Variants in NIPBL observed in about 807,000 individuals in gnomAD.
NIPBL encodes the protein NIPBL cohesin loading factor, also known as nipped-B-like protein.
NIPBL carries 19 observed loss-of-function variants against 321.8 expected under a neutral mutation model. The observed-to-expected ratio is 0.06, with a 90% confidence interval of 0.04 to 0.09. The LOEUF is 0.09. Among genes scored for constraint, NIPBL ranks in the 10% least tolerant of loss-of-function variants. The pLI, the probability that NIPBL is intolerant of heterozygous loss-of-function variation, is 1.00. For missense variants in NIPBL, 2,210 were observed against 3,327.0 expected, an observed-to-expected ratio of 0.66 and a Z score of 8.26; for synonymous variants, 1,106 against 1,114.1, an observed-to-expected ratio of 0.99 and a Z score of 0.14.
At position 37,027,384 on chromosome 5, in the gene NIPBL, A is replaced by G. The variant is rs766136878; in HGVS notation, c.5834A>G (p.Tyr1945Cys). The G allele has an allele frequency of 2.5e-6, 4 of 1,613,174 alleles. No homozygotes were observed. Among genetic ancestry groups the G allele is most frequent in the Admixed American group, 1.7e-5 (1 of 60,002 alleles). ...GTTGCAGCATGCAGAGATACTGGAT[A>G]TGACTGGTTTGAGCAACTGCTTCAA... ...DVVAACRDTGYDWFEQLLQNL... is the reference protein window; with the variant it reads ...DVVAACRDTGCDWFEQLLQNL... The change falls in exon 32 of 47, where the codon TAT (tyrosine) becomes TGT (cysteine). Residue 1945 changes from tyrosine to cysteine, a missense_variant. Physicochemically the swap from Tyr to Cys is radical, Grantham distance 194. Coordinates refer to ENST00000282516, the MANE Select transcript of NIPBL (RefSeq NM_133433.4).
chr5:36,915,707 A>C (rs1433825999), intron 1 of NIPBL, among the ~76,000 whole-genome samples: 2 of 152,192 alleles, frequency 1.3e-5, no homozygotes, highest in Non-Finnish European at 2.9e-5. Flanking sequence ...TATAATCAAA[A>C]AATAGCTTTC....
intron 32 of NIPBL, among the ~76,000 whole-genome samples, chr5:37,033,736 T>A (rs1353803604): frequency 2.4e-3 from 299 of 123,592 alleles, no homozygotes; most frequent in African/African-American, 0.01. Context: ...ATATATTTTT[T>A]TTTTTTTTTT....
intron 1 of NIPBL, among the ~76,000 whole-genome samples, chr5:36,905,946 G>A (rs929608755): frequency 5.3e-5 from 8 of 152,024 alleles, no homozygotes; most frequent in South Asian, 4.2e-4. Flanking sequence ...GGGTTTCACC[G>A]TGTTAGCCAG....
chr5:36,883,056 C>A (rs1350140757), intron 1 of NIPBL, among the ~76,000 whole-genome samples: 1 of 151,738 alleles, frequency 6.6e-6, no homozygotes, highest in East Asian at 1.9e-4. Context: ...AAAAGCTATT[C>A]TCAGGCTATA....
At chr5:36,933,820 T>G (rs1166502130) in intron 1 of NIPBL, among the ~76,000 whole-genome samples, 2 of 152,050 alleles carry the variant, frequency 1.3e-5, no homozygotes, top group African/African-American at 2.4e-5. Context: ...TGCTAGCTTT[T>G]TGTGGATCTG....
At chr5:36,891,190 G>A (rs1397671706) in intron 1 of NIPBL, among the ~76,000 whole-genome samples, 3 of 152,050 alleles carry the variant, frequency 2.0e-5, no homozygotes, top group African/African-American at 7.2e-5. Context: ...GCATGAACCC[G>A]GGAGGCAGAG....
intron 30 of NIPBL, among the ~76,000 whole-genome samples, chr5:37,025,792 C>T (rs1414768325): frequency 6.6e-6 from 1 of 151,830 alleles, no homozygotes; most frequent in African/African-American, 2.4e-5. Flanking sequence ...ATGTGTACAG[C>T]TATTATGTAT....
chr5:37,007,863 G>A (rs1288169170), intron 18 of NIPBL, 145 bp from the exon 19 acceptor site: 3 of 668,618 alleles, frequency 4.5e-6, no homozygotes, highest in Non-Finnish European at 2.7e-6. Flanking sequence ...ACAGAGAAAA[G>A]AATAGATGCT....
intron 33 of NIPBL, among the ~76,000 whole-genome samples, chr5:37,038,247 C>T (rs528353773): frequency 6.6e-6 from 1 of 152,096 alleles, no homozygotes; most frequent in African/African-American, 2.4e-5. Flanking sequence ...GTGATGGCCT[C>T]CCAAAGTGCT....
chr5:36,950,581 CCA>C (rs1408654176), intron 1 of NIPBL, among the ~76,000 whole-genome samples: 1 of 151,954 alleles, frequency 6.6e-6, no homozygotes, highest in Non-Finnish European at 1.5e-5. Flanking sequence ...AGTGTTCAAC[CCA>C]CTAAATTTAT....
At chr5:36,912,623 T>A (rs990898749) in intron 1 of NIPBL, among the ~76,000 whole-genome samples, 2 of 151,424 alleles carry the variant, frequency 1.3e-5, no homozygotes, top group African/African-American at 4.9e-5. Flanking sequence ...TGCCTCAGCC[T>A]CCTGAGTAGC....
rs140891645 is a variant in NIPBL, at chr5:36,984,977, A to G, written c.1797A>G (p.Thr599=). The change falls in exon 10 of 47, where the codon ACA becomes ACG. Residue 599 remains threonine, a synonymous_variant. Coordinates refer to ENST00000282516, the MANE Select transcript of NIPBL (RefSeq NM_133433.4). Reference sequence around the variant, plus strand: ...CTACACCAGAAAACCATCCTGAGACACCTAAAAAAAAGTCTGATCCTGAGC... The same window carrying G: ...CTACACCAGAAAACCATCCTGAGACGCCTAAAAAAAAGTCTGATCCTGAGC... The part of the protein sequence containing the change: ...LKSTPENHPE[T]PKKKSDPELS... 3.3e-5 allele frequency: 54 copies of G among 1,613,872 alleles called. No homozygotes were observed. In the African/African-American group the frequency reaches 5.9e-4, roughly 18 times the overall value.
At chr5:36,894,435 G>C (rs1746577037) in intron 1 of NIPBL, among the ~76,000 whole-genome samples, 1 of 152,020 alleles carries the variant, frequency 6.6e-6, no homozygotes, top group African/African-American at 2.4e-5. Context: ...ATACTGTCAT[G>C]TATGTACTTT....
intron 11 of NIPBL, among the ~76,000 whole-genome samples, chr5:36,999,641 G>A (rs997981081): frequency 2.6e-5 from 4 of 152,216 alleles, no homozygotes; most frequent in Admixed American, 6.5e-5. Flanking sequence ...CTGTCAGTAC[G>A]GGTGATTTTA....
rs778323343 is a variant in NIPBL, at chr5:36,986,099, A to G, written c.2919A>G (p.Thr973=). 2 of 1,613,986 alleles carry G rather than the reference A, an allele frequency of 1.2e-6. No individual in the cohort carries two copies. The highest frequency in any genetic ancestry group is 1.7e-6 in the Non-Finnish European group (2 of 1,179,908). ...AAGATGGCAATGTTACTCAGGAGAC[A>G]AAGAAAATGGAAATGAAAGGAGAGC... ...RDKDGNVTQE[T]KKMEMKGEPK... is the part of the protein sequence containing the mutation. Residue 973 remains threonine (T), a synonymous_variant, in exon 10 of 47, where the codon ACA becomes ACG. Coordinates refer to ENST00000282516, the MANE Select transcript of NIPBL (RefSeq NM_133433.4).
intron 8 of NIPBL, among the ~76,000 whole-genome samples, chr5:36,974,946 A>G (rs182754350): frequency 2.0e-4 from 31 of 152,172 alleles, no homozygotes; most frequent in South Asian, 1.7e-3. Context: ...AAGCATATCA[A>G]TGCACTTTTT....
intron 1 of NIPBL, among the ~76,000 whole-genome samples, chr5:36,892,960 G>A (rs965554549): frequency 1.3e-5 from 2 of 152,128 alleles, no homozygotes; most frequent in African/African-American, 4.8e-5. Flanking sequence ...AAGTAGCATG[G>A]TGGATTATAA....
intron 31 of NIPBL, 129 bp downstream of exon 31, chr5:37,026,456 CTTTAT>C (rs1750278844): frequency 1.4e-6 from 1 of 695,164 alleles, no homozygotes; most frequent in Non-Finnish European, 2.7e-6. Flanking sequence ...GCTGCCTTTA[CTTTAT>C]ATTTCTGGAG....
At chr5:36,930,412 T>C (rs568817579) in intron 1 of NIPBL, among the ~76,000 whole-genome samples, 1 of 152,096 alleles carries the variant, frequency 6.6e-6, no homozygotes, top group Non-Finnish European at 1.5e-5. Context: ...TATCTTGTGA[T>C]CTAGCTGAGC....
Sources: gnomAD v4.1 joint callset for allele counts (sites outside exome capture counted in the v4.1 genomes callset) on GRCh38, gnomAD v4.1.1 for gene constraint, MANE v1.5 for transcripts, NCBI Gene and HGNC (gene_info 2026-07-23, HGNC 2026-07-21) for gene names.